Variants in PTPRD observed in about 807,000 individuals in gnomAD.
PTPRD encodes receptor-type tyrosine-protein phosphatase delta.
PTPRD carries 34 observed loss-of-function variants against 214.5 expected under a neutral mutation model. That is an observed-to-expected ratio of 0.16 (90% CI 0.12 to 0.21). The LOEUF (loss-of-function observed/expected upper bound fraction) is 0.21. Among genes scored for constraint, PTPRD ranks in the 10% least tolerant of loss-of-function variants. PTPRD has a pLI of 1.00. For synonymous variants in PTPRD, 1,128 were observed against 845.7 expected (o/e 1.33, Z -5.79); for missense variants, 2,545 against 2,398.7 (o/e 1.06, Z -1.27).
At position 8,994,067 on chromosome 9, in the gene PTPRD, T is replaced by G. The variant is rs72692806; in HGVS notation, c.-104+24630A>C. Among the ~76,000 whole-genome samples, 1,067 of 152,236 alleles carry G rather than the reference T, an allele frequency of 7.0e-3. 7 individuals are homozygous for G. The highest frequency in any genetic ancestry group is 0.016 in the African/African-American group (664 of 41,574). Reference sequence around the variant, plus strand: ...ACAATGTAGGATTTAAGCAACACTTTGAAGAATACATAAGATTCAGAAAGA... The same window carrying G: ...ACAATGTAGGATTTAAGCAACACTTGGAAGAATACATAAGATTCAGAAAGA... On this transcript the variant is annotated intron_variant, in intron 11 of 45. Transcript: ENST00000381196.
chr9:9,825,688 G>C, intron 5 of PTPRD, among the ~76,000 whole-genome samples: 1 of 151,842 alleles, frequency 6.6e-6, no homozygotes, highest in Non-Finnish European at 1.5e-5. Flanking sequence ...ATGATAACAG[G>C]TTTTCTGTGC....
chr9:8,469,776 C>T (rs1165115795), intron 31 of PTPRD, among the ~76,000 whole-genome samples: 1 of 152,044 alleles, frequency 6.6e-6, no homozygotes, highest in African/African-American at 2.4e-5. Flanking sequence ...GACACAAAAG[C>T]ATAGGCCTAA....
At chr9:9,129,963 C>G (rs2154473537) in intron 10 of PTPRD, among the ~76,000 whole-genome samples, 1 of 152,144 alleles carries the variant, frequency 6.6e-6, no homozygotes. Context: ...GGTGTAACAA[C>G]AATATCTGAG....
intron 7 of PTPRD, among the ~76,000 whole-genome samples, chr9:9,640,821 T>G (rs1382091702): frequency 6.6e-6 from 1 of 152,208 alleles, no homozygotes; most frequent in African/African-American, 2.4e-5. Flanking sequence ...AGGCCATCTA[T>G]CCAATCCTGT....
At chr9:9,580,345 C>A (rs1449881013) in intron 7 of PTPRD, among the ~76,000 whole-genome samples, 1 of 151,974 alleles carries the variant, frequency 6.6e-6, no homozygotes, top group African/African-American at 2.4e-5. Flanking sequence ...TAAGTCTTCC[C>A]TTTTCTTTGT....
chr9:9,252,408 A>G (rs1353882317), intron 9 of PTPRD, among the ~76,000 whole-genome samples: 2 of 151,978 alleles, frequency 1.3e-5, no homozygotes, highest in East Asian at 3.9e-4. Flanking sequence ...TTTCCTGGCC[A>G]CCTTCCTATA....
intron 3 of PTPRD, among the ~76,000 whole-genome samples, chr9:10,056,321 A>G (rs1185403152): frequency 1.2e-5 from 1 of 86,872 alleles, no homozygotes; most frequent in African/African-American, 5.8e-5. Flanking sequence ...ACTCCATCTC[A>G]AAAAAAAAAA....
At chr9:8,364,277 T>G (rs759528492) in intron 39 of PTPRD, among the ~76,000 whole-genome samples, 2 of 152,010 alleles carry the variant, frequency 1.3e-5, no homozygotes, top group Non-Finnish European at 2.9e-5. Flanking sequence ...AGAAGCAGAG[T>G]CTTATATAAG....
chr9:10,347,916 A>G (rs1433500170), intron 2 of PTPRD, among the ~76,000 whole-genome samples: 5 of 151,864 alleles, frequency 3.3e-5, no homozygotes, highest in African/African-American at 1.2e-4. Context: ...AAATTAGCCC[A>G]GCGTGGTGCA....
intron 3 of PTPRD, among the ~76,000 whole-genome samples, chr9:10,258,736 G>A (rs572663811): frequency 1.3e-5 from 2 of 151,160 alleles, no homozygotes; most frequent in Admixed American, 6.7e-5. Context: ...GTCAGGTATC[G>A]TTTTGTATCT....
At chr9:9,778,951 C>T (rs1182667057) in intron 5 of PTPRD, among the ~76,000 whole-genome samples, 1 of 151,724 alleles carries the variant, frequency 6.6e-6, no homozygotes, top group Non-Finnish European at 1.5e-5. Context: ...TACCCAACTT[C>T]AAACTATAAA....
intron 9 of PTPRD, among the ~76,000 whole-genome samples, chr9:9,373,873 T>A (rs1596571424): frequency 6.6e-6 from 1 of 152,152 alleles, no homozygotes; most frequent in East Asian, 1.9e-4. Context: ...AATACTTGCA[T>A]TATTTTCATG....
chr9:8,349,059 AT>A (rs1324336644), intron 39 of PTPRD, among the ~76,000 whole-genome samples: 1 of 142,986 alleles, frequency 7.0e-6, no homozygotes, highest in Non-Finnish European at 1.6e-5. Flanking sequence ...AAAAAAAAAA[AT>A]TTAAAAAACT....
chr9:8,475,248 T>C (rs1225009033), intron 30 of PTPRD, among the ~76,000 whole-genome samples: 1 of 152,212 alleles, frequency 6.6e-6, no homozygotes, highest in Non-Finnish European at 1.5e-5. Flanking sequence ...TTTCTGGTAC[T>C]CTTCTGTCCT....
chr9:10,381,192 CTTTTTT>C (rs1311746529), intron 2 of PTPRD, among the ~76,000 whole-genome samples: 1 of 151,308 alleles, frequency 6.6e-6, no homozygotes, highest in Non-Finnish European at 1.5e-5. Context: ...CTATCTTTTT[CTTTTTT>C]ATTATTTTCT....
intron 9 of PTPRD, among the ~76,000 whole-genome samples, chr9:9,230,659 G>A (rs752891333): frequency 2.0e-5 from 3 of 152,100 alleles, no homozygotes; most frequent in Non-Finnish European, 2.9e-5. Flanking sequence ...CAGCTGTTTG[G>A]TGGAGAGTTG....
At chr9:9,440,092 C>A (rs908864652) in intron 8 of PTPRD, among the ~76,000 whole-genome samples, 1 of 152,126 alleles carries the variant, frequency 6.6e-6, no homozygotes, top group African/African-American at 2.4e-5. Context: ...TTGAATTCTG[C>A]ATTTTAATAC....
intron 2 of PTPRD, among the ~76,000 whole-genome samples, chr9:10,388,506 G>A (rs2097974528): frequency 6.7e-6 from 1 of 149,262 alleles, no homozygotes; most frequent in Non-Finnish European, 1.5e-5. Flanking sequence ...AGCTAATGGT[G>A]CCTAAATGAT....
At chr9:10,258,190 G>A (rs2093427458) in intron 3 of PTPRD, among the ~76,000 whole-genome samples, 1 of 152,328 alleles carries the variant, frequency 6.6e-6, no homozygotes, top group East Asian at 1.9e-4. Flanking sequence ...GGTTAAGAGA[G>A]TACAGAAAGA....
Sources: allele counts gnomAD v4.1 joint callset (sites outside exome capture counted in the v4.1 genomes callset), GRCh38; gene constraint gnomAD v4.1.1; transcripts MANE v1.5; gene names NCBI Gene and HGNC (gene_info 2026-07-23, HGNC 2026-07-21).